Variants in DNM3 observed in about 807,000 individuals in gnomAD.
The protein encoded by DNM3 is dynamin-3.
Under a neutral mutation model 101.6 loss-of-function variants are expected in DNM3, and 47 were observed. The ratio of observed to expected loss-of-function variants is 0.46; its 90% confidence interval spans 0.37 to 0.59. DNM3 has a LOEUF of 0.59. Among genes scored for constraint, DNM3 ranks in the 20% least tolerant of loss-of-function variants. DNM3 has a pLI of 0.00. For missense variants in DNM3, 849 were observed against 1,085.7 expected (o/e 0.78, Z 3.06); for synonymous variants, 385 against 387.9 (o/e 0.99, Z 0.09).
At chr1:171,919,147 C>T (rs983316142) in intron 1 of DNM3, among the ~76,000 whole-genome samples, 2 of 150,022 alleles carry the variant, frequency 1.3e-5, no homozygotes, top group Non-Finnish European at 3.0e-5. Context: ...ATTTTTATAT[C>T]CTGACTTAAA....
At chr1:172,217,787 A>T (rs1450044906) in intron 14 of DNM3, among the ~76,000 whole-genome samples, 1 of 152,172 alleles carries the variant, frequency 6.6e-6, no homozygotes, top group African/African-American at 2.4e-5. Context: ...AACTTTGTAA[A>T]GAAATGTATG....
intron 9 of DNM3, among the ~76,000 whole-genome samples, chr1:172,047,108 T>C (rs562129192): frequency 6.6e-6 from 1 of 152,154 alleles, no homozygotes; most frequent in South Asian, 2.1e-4. Context: ...TATATTTGGT[T>C]TGACAATTTT....
In DNM3 at chr1:172,286,857, G is replaced by C. The variant is rs552449301; in HGVS notation, c.1770-21871G>C. On this transcript the variant is annotated intron_variant, in intron 15 of 20. Transcript: ENST00000627582. ...AGAAGCAGTACACAAAAAGCAAACA[G>C]ATAAGGCATGAAACAAATAGATCCA... Among the ~76,000 whole-genome samples the C allele has an allele frequency of 7.9e-5, 12 of 152,344 alleles. 1 individual carries two copies. The South Asian group carries it at 2.1e-3, about 26-fold the overall frequency.
intron 15 of DNM3, among the ~76,000 whole-genome samples, chr1:172,261,698 C>T (rs997106043): frequency 1.3e-5 from 2 of 152,210 alleles, no homozygotes; most frequent in Non-Finnish European, 2.9e-5. Context: ...CCCAAGTGGT[C>T]CACCCCTGTG....
intron 14 of DNM3, among the ~76,000 whole-genome samples, chr1:172,151,958 C>T (rs971652434): frequency 6.6e-6 from 1 of 152,148 alleles, no homozygotes; most frequent in Non-Finnish European, 1.5e-5. Flanking sequence ...GCACTGCAGC[C>T]TCGACCTCCT....
intron 14 of DNM3, among the ~76,000 whole-genome samples, chr1:172,185,762 C>T (rs1316416332): frequency 6.6e-6 from 1 of 152,064 alleles, no homozygotes; most frequent in East Asian, 1.9e-4. Context: ...TCTAAGTCAA[C>T]TAAGTTTATT....
At chr1:172,346,462 A>G (rs1414271056) in intron 17 of DNM3, among the ~76,000 whole-genome samples, 3 of 152,202 alleles carry the variant, frequency 2.0e-5, no homozygotes, top group African/African-American at 7.2e-5. Flanking sequence ...GGAATCAGTG[A>G]AGACATTTAA....
intron 4 of DNM3, among the ~76,000 whole-genome samples, chr1:172,017,180 C>CA (rs917119921): frequency 2.0e-5 from 3 of 151,662 alleles, no homozygotes; most frequent in African/African-American, 7.3e-5. Context: ...TAAATCTTTT[C>CA]AAAAAAACAG....
chr1:172,197,878 C>T (rs1444342304), intron 14 of DNM3, among the ~76,000 whole-genome samples: 6 of 151,848 alleles, frequency 4.0e-5, no homozygotes, highest in African/African-American at 1.4e-4. Flanking sequence ...GATTTCCCCT[C>T]GTTGTATTTG....
intron 8 of DNM3, among the ~76,000 whole-genome samples, chr1:172,043,100 T>G (rs1374374486): frequency 6.6e-6 from 1 of 152,160 alleles, no homozygotes; most frequent in African/African-American, 2.4e-5. Context: ...GAATTAAACT[T>G]CTTTAGCTTT....
intron 16 of DNM3, among the ~76,000 whole-genome samples, chr1:172,318,983 A>G (rs2148902043): frequency 6.6e-6 from 1 of 152,004 alleles, no homozygotes; most frequent in East Asian, 1.9e-4. Flanking sequence ...CCTGACTTCA[A>G]ACTATACTAC....
intron 1 of DNM3, among the ~76,000 whole-genome samples, chr1:171,878,632 T>C (rs1055184612): frequency 6.6e-6 from 1 of 152,146 alleles, no homozygotes; most frequent in Non-Finnish European, 1.5e-5. Context: ...GATTGTTTGA[T>C]TTGCTACCCA....
chr1:172,396,933 G>A (rs2070053837), intron 20 of DNM3, among the ~76,000 whole-genome samples: 1 of 152,072 alleles, frequency 6.6e-6, no homozygotes, highest in Non-Finnish European at 1.5e-5. Context: ...TTCCACTCAG[G>A]AATGGGTATT....
At chr1:172,020,708 T>C (rs4532857) in intron 4 of DNM3, among the ~76,000 whole-genome samples, 94,498 of 134,968 alleles carry the variant, frequency 0.7, 33,986 homozygotes, top group African/African-American at 0.9. Context: ...TGGGCGACAG[T>C]GTGAGACTCC....
At chr1:171,892,843 T>C (rs1484055545) in intron 1 of DNM3, among the ~76,000 whole-genome samples, 1 of 149,862 alleles carries the variant, frequency 6.7e-6, no homozygotes, top group East Asian at 1.9e-4. Flanking sequence ...ATCCCTTGCA[T>C]AAGCAGTTCA....
intron 16 of DNM3, among the ~76,000 whole-genome samples, chr1:172,315,742 A>G (rs2065309478): frequency 6.6e-6 from 1 of 152,234 alleles, no homozygotes; most frequent in African/African-American, 2.4e-5. Flanking sequence ...ACTATGTGAA[A>G]AGACCAAATC....
intron 17 of DNM3, among the ~76,000 whole-genome samples, chr1:172,350,044 G>C (rs1044986351): frequency 7.9e-5 from 12 of 152,128 alleles, no homozygotes; most frequent in Admixed American, 7.9e-4. Flanking sequence ...ATAATACATA[G>C]GAAATGCTAA....
At chr1:172,156,810 T>C (rs1167726879) in intron 14 of DNM3, among the ~76,000 whole-genome samples, 2 of 152,118 alleles carry the variant, frequency 1.3e-5, no homozygotes, top group Non-Finnish European at 2.9e-5. Flanking sequence ...AAAGGACATA[T>C]AAAGTGCAAA....
chr1:172,387,105 T>C, intron 18 of DNM3, 28 bp from the exon 19 acceptor site: 1 of 1,581,528 alleles, frequency 6.3e-7, no homozygotes, highest in South Asian at 1.1e-5. Flanking sequence ...TTTATTCCCA[T>C]TTTTATTTCT....
Sources: gnomAD v4.1 joint callset for allele counts (sites outside exome capture counted in the v4.1 genomes callset) on GRCh38, gnomAD v4.1.1 for gene constraint, MANE v1.5 for transcripts, NCBI Gene and HGNC (gene_info 2026-07-23, HGNC 2026-07-21) for gene names.